The following NDST4 variants were observed in gnomAD, a reference collection of about 807,000 sequenced individuals.
NDST4 encodes the protein N-heparan sulfate sulfotransferase 4.
In NDST4, 63 loss-of-function variants were observed where a neutral mutation model predicts 100.8. The observed-to-expected ratio is 0.62, with a 90% CI of 0.51 to 0.77. The LOEUF (loss-of-function observed/expected upper bound fraction) is 0.77, where lower values mean the gene tolerates loss of function less well. Ranked by LOEUF, NDST4 falls within the 30% of genes least tolerant of loss-of-function variation. NDST4 has a pLI of 0.00. For missense variants in NDST4, 943 were observed against 1,018.4 expected (o/e 0.93, Z 1.01); for synonymous variants, 377 against 361.8 (o/e 1.04, Z -0.48).
At chr4:115,070,912 G>A (rs530167) in intron 2 of NDST4, among the ~76,000 whole-genome samples, 14 of 151,624 alleles carry the variant, frequency 9.2e-5, no homozygotes, top group Admixed American at 7.9e-4. Flanking sequence ...TGATGCCAGC[G>A]TGGCCAACAT....
At chr4:114,997,084 C>T (rs954671275) in intron 2 of NDST4, among the ~76,000 whole-genome samples, 6 of 152,138 alleles carry the variant, frequency 3.9e-5, no homozygotes, top group South Asian at 4.1e-4. Flanking sequence ...TCACTTCCTC[C>T]TATTTTCCGC....
chr4:115,086,917 G>C (rs865799494), intron 1 of NDST4, among the ~76,000 whole-genome samples: 1 of 152,048 alleles, frequency 6.6e-6, no homozygotes, highest in African/African-American at 2.4e-5. Flanking sequence ...ATAAGATTTA[G>C]ATAGAGTAGT....
At chr4:115,087,428 A>G (rs1224025248) in intron 1 of NDST4, among the ~76,000 whole-genome samples, 2 of 152,004 alleles carry the variant, frequency 1.3e-5, no homozygotes, top group East Asian at 3.9e-4. Context: ...ACCAGCAAAA[A>G]CATCTAAATT....
chr4:115,098,349 C>T (rs181200681), intron 1 of NDST4, among the ~76,000 whole-genome samples: 1 of 152,202 alleles, frequency 6.6e-6, no homozygotes, highest in Admixed American at 6.5e-5. Flanking sequence ...ACATGGTAAA[C>T]ATTTCCTTTT....
chr4:115,057,834 T>C (rs542287), intron 2 of NDST4, among the ~76,000 whole-genome samples: 38,142 of 151,940 alleles, frequency 0.25, 6,572 homozygotes, highest in African/African-American at 0.46. Flanking sequence ...TAAATCATAT[T>C]CATTTTTGAA....
At chr4:114,975,564 T>A (rs554756999) in intron 3 of NDST4, among the ~76,000 whole-genome samples, 1 of 152,244 alleles carries the variant, frequency 6.6e-6, no homozygotes, top group Admixed American at 6.6e-5. Context: ...GTTCAGTGTT[T>A]TAAAGAAGAA....
intron 1 of NDST4, among the ~76,000 whole-genome samples, chr4:115,087,919 C>T (rs1418352119): frequency 2.0e-5 from 3 of 151,538 alleles, no homozygotes; most frequent in Non-Finnish European, 4.4e-5. Context: ...ATAAAATGAA[C>T]ATTAACAAAT....
chr4:114,949,521 T>G (rs1578408363), intron 4 of NDST4, among the ~76,000 whole-genome samples: 1 of 152,068 alleles, frequency 6.6e-6, no homozygotes, highest in East Asian at 1.9e-4. Context: ...AGTTTAAGAT[T>G]GCCAAAAGTG....
intron 7 of NDST4, among the ~76,000 whole-genome samples, chr4:114,867,665 C>CAAAAAAA: frequency 9.1e-4 from 73 of 79,880 alleles, no homozygotes; most frequent in African/African-American, 1.5e-3. Flanking sequence ...AAAAAAAAAG[C>CAAAAAAA]AAAAAAAAAA....
At chr4:115,099,734 C>T (rs1019910543) in intron 1 of NDST4, among the ~76,000 whole-genome samples, 4 of 152,092 alleles carry the variant, frequency 2.6e-5, no homozygotes, top group African/African-American at 9.7e-5. Context: ...AATGATACAG[C>T]CACTTTGCAA....
At chr4:114,928,698 G>C (rs1725433149) in intron 6 of NDST4, among the ~76,000 whole-genome samples, 1 of 152,154 alleles carries the variant, frequency 6.6e-6, no homozygotes, top group South Asian at 2.1e-4. Flanking sequence ...GGGTAAAGCA[G>C]ATTGCCCTCT....
At chr4:115,064,160 C>T (rs1341971218) in intron 2 of NDST4, among the ~76,000 whole-genome samples, 1 of 151,874 alleles carries the variant, frequency 6.6e-6, no homozygotes, top group African/African-American at 2.4e-5. Flanking sequence ...TGTCAGAGGC[C>T]TTGTTTTGAA....
intron 2 of NDST4, among the ~76,000 whole-genome samples, chr4:115,074,119 C>T (rs1281399133): frequency 6.6e-6 from 1 of 151,860 alleles, no homozygotes; most frequent in Non-Finnish European, 1.5e-5. Context: ...CATACACACA[C>T]ACATAGCCTT....
At chr4:114,971,404 A>G (rs982663245) in intron 3 of NDST4, among the ~76,000 whole-genome samples, 17 of 152,112 alleles carry the variant, frequency 1.1e-4, no homozygotes, top group African/African-American at 4.1e-4. Context: ...TTAAGAAAAA[A>G]AAAACTTACT....
intron 1 of NDST4, among the ~76,000 whole-genome samples, chr4:115,079,204 T>C (rs957746849): frequency 6.6e-6 from 1 of 151,678 alleles, no homozygotes; most frequent in African/African-American, 2.4e-5. Flanking sequence ...GTACAAAAAT[T>C]AGCTGGGTGT....
intron 2 of NDST4, among the ~76,000 whole-genome samples, chr4:115,060,085 T>A (rs1728786225): frequency 6.6e-6 from 1 of 152,040 alleles, no homozygotes; most frequent in African/African-American, 2.4e-5. Flanking sequence ...AGACTAATAC[T>A]GTGCAGTAAT....
chr4:115,099,975 A>G (rs1729697428), intron 1 of NDST4, among the ~76,000 whole-genome samples: 1 of 152,172 alleles, frequency 6.6e-6, no homozygotes, highest in African/African-American at 2.4e-5. Context: ...AATATCATTC[A>G]GCTCTAAAAA....
intron 2 of NDST4, among the ~76,000 whole-genome samples, chr4:115,047,218 C>G (rs1272163320): frequency 6.6e-6 from 1 of 151,918 alleles, no homozygotes; most frequent in Non-Finnish European, 1.5e-5. Context: ...ATTTTTAAAA[C>G]CTATTAACAA....
intron 4 of NDST4, among the ~76,000 whole-genome samples, chr4:114,964,912 T>C (rs1376622752): frequency 6.6e-6 from 1 of 150,988 alleles, no homozygotes; most frequent in African/African-American, 2.4e-5. Flanking sequence ...TTCATCCATG[T>C]TGTCACGTGT....
Sources: allele counts gnomAD v4.1 joint callset (sites outside exome capture counted in the v4.1 genomes callset), GRCh38; gene constraint gnomAD v4.1.1; transcripts MANE v1.5; gene names NCBI Gene and HGNC (gene_info 2026-07-23, HGNC 2026-07-21).